Variants in UBR4 observed in about 807,000 individuals in gnomAD.
UBR4 encodes ubiquitin protein ligase E3 component n-recognin 4, also known as E3 ubiquitin-protein ligase UBR4.
A neutral mutation model predicts 575.6 loss-of-function variants in UBR4; 124 were observed. That is an observed-to-expected ratio of 0.22 (90% CI 0.19 to 0.25). UBR4 has a LOEUF of 0.25. UBR4 is among the 10% of genes least tolerant of loss of function. The pLI is 1.00. For missense variants in UBR4, 4,818 were observed against 6,478.8 expected, an observed-to-expected ratio of 0.74 and a Z score of 8.80; for synonymous variants, 2,455 against 2,473.7, an observed-to-expected ratio of 0.99 and a Z score of 0.22.
intron 103 of UBR4, 104 bp from the exon 104 acceptor site, chr1:19,078,170 G>C: frequency 8.6e-7 from 1 of 1,166,952 alleles, no homozygotes; most frequent in Non-Finnish European, 1.2e-6. Context: ...AGTGGTGTAT[G>C]CATCTCGGAG....
chr1:19,100,548 A>G lies in UBR4; in HGVS notation c.13049T>C (p.Phe4350Ser). ...TTGGGGATCCTTCTCCAGGGTCACA[A>G]AGAACTCAGTGACTTCATTCTCCTC... ...YPEENEVTEF[F>S]VTLEKDPQQE... Residue 4350 changes from phenylalanine to serine, a missense_variant, in exon 89 of 106, where the codon TTT becomes TCT. By Grantham distance (155) the Phe-to-Ser change is radical. Coordinates refer to ENST00000375254, the MANE Select transcript of UBR4 (RefSeq NM_020765.3). The surrounding 1 kb of genome is among the most constrained non-coding windows in gnomAD (Gnocchi z 4.2). The G allele has an allele frequency of 1.9e-6, 3 of 1,614,076 alleles. No homozygotes were observed. The highest frequency in any genetic ancestry group is 2.5e-6 in the Non-Finnish European group (3 of 1,180,012).
In UBR4 at chr1:19,157,886, C is replaced by T; in HGVS notation, c.5689G>A (p.Val1897Met). Residue 1897 changes from valine (V) to methionine (M), a missense_variant, in exon 40 of 106, where the codon GTG becomes ATG. This residue lies in a region of UBR4 where 15 missense variants were observed against 60.6 expected (regional missense o/e 0.25). Coordinates refer to ENST00000375254, the MANE Select transcript of UBR4 (RefSeq NM_020765.3). This position sits in a 1 kb window ranked among gnomAD's most constrained non-coding sequence, Gnocchi z 4.4. Reference sequence around the variant, plus strand: ...GGAGAGGAGAGCACACACATAGCCACCCGCCTGAGCACATGAGCACTGATC... The same window carrying T: ...GGAGAGGAGAGCACACACATAGCCATCCGCCTGAGCACATGAGCACTGATC... ...QLISAHVLRR[V>M]AMCVLSSPHG... is the part of the protein sequence containing the mutation. The T allele has an allele frequency of 6.2e-7, 1 of 1,614,254 alleles. No individual in the cohort carries two copies. Among genetic ancestry groups the T allele is most frequent in the Non-Finnish European group, 8.5e-7 (1 of 1,180,036 alleles).
At position 19,160,096 on chromosome 1, in the gene UBR4, C is replaced by A. The variant is rs372239033; in HGVS notation, c.5577+15G>T. On this transcript the variant is annotated intron_variant, in intron 39 of 105. Transcript: ENST00000375254. ...TTCCCACAGCCACCAAACATCATGGCCCCAAGACACTCACCATCAGCTGGT... is the reference window on the plus strand; with the variant it reads ...TTCCCACAGCCACCAAACATCATGGACCCAAGACACTCACCATCAGCTGGT... The A allele has an allele frequency of 6.2e-7, 1 of 1,604,636 alleles. No homozygotes were observed. Among genetic ancestry groups the A allele is most frequent in the Non-Finnish European group, 8.5e-7 (1 of 1,175,062 alleles).
Position 19,120,222 on chromosome 1 carries a change from G to A in UBR4, c.10268C>T (p.Ser3423Leu), listed in dbSNP as rs370087023. 1.5e-5 allele frequency: 24 copies of A among 1,614,058 alleles called. No homozygotes were observed. The highest frequency in any genetic ancestry group is 4.0e-5 in the African/African-American group (3 of 74,926). ...CAGACAGTGGGCCTGCCAGCGCACC[G>A]AGGAAGAATTGGACTCTAACAGGAA... is the stretch of plus-strand genomic sequence containing the variant. The part of the protein sequence containing the change: ...RCFLLESNSS[S>L]VRWQAHCLTL... Residue 3423 changes from serine to leucine, a missense_variant, in exon 69 of 106, where the codon TCG becomes TTG. By Grantham distance (145) the Ser-to-Leu change is moderately radical. This residue lies in a region of UBR4 where 550 missense variants were observed against 791.5 expected (regional missense o/e 0.69). Coordinates refer to ENST00000375254, the MANE Select transcript of UBR4 (RefSeq NM_020765.3).
intron 70 of UBR4, among the ~76,000 whole-genome samples, 159 bp from the exon 71 acceptor site, chr1:19,119,116 G>T (rs1271876022): frequency 6.6e-6 from 1 of 152,190 alleles, no homozygotes; most frequent in Non-Finnish European, 1.5e-5. Flanking sequence ...TCATTTAAAT[G>T]GATTCTATCT....
chr1:19,156,958 T>A (rs370184279), intron 40 of UBR4, 33 bp from the exon 41 acceptor site: 2 of 1,602,480 alleles, frequency 1.2e-6, no homozygotes, highest in African/African-American at 2.7e-5. Flanking sequence ...TTATTCCTAC[T>A]CCTGGTCCTC....
Position 19,117,809 on chromosome 1 carries a change from C to T in UBR4, c.10629+14G>A. 1 of 1,613,186 alleles carries T rather than the reference C, an allele frequency of 6.2e-7. No homozygotes were observed. Among genetic ancestry groups the T allele is most frequent in the African/African-American group, 1.3e-5 (1 of 75,050 alleles). ...TATTGGCCTCAGGACTGTCCATGTA[C>T]AGATGTTACTTACACAGAACGGTAC... On this transcript the variant is annotated intron_variant, in intron 72 of 105. Transcript: ENST00000375254. This position sits in a 1 kb window ranked among gnomAD's most constrained non-coding sequence, Gnocchi z 4.0.
chr1:19,138,171 C>T lies in UBR4; in HGVS notation c.8742G>A (p.Arg2914=). 1 of 1,523,584 alleles carries T rather than the reference C, an allele frequency of 6.6e-7. No individual in the cohort carries two copies. The highest frequency in any genetic ancestry group is 1.3e-5 in the South Asian group (1 of 77,578). The allele number at this position is 1,523,584 out of a possible 1,614,324, so 94.4% of individuals were successfully genotyped here. Residue 2914 remains arginine, a synonymous_variant, in exon 60 of 106, where the codon CGG becomes CGA. Transcript: ENST00000375254. ...CTGTAGCATCGCCATAAGCACTGCT[C>T]CGGCCAGATACTAGAGGGAAATGGT... The part of the protein sequence containing the change: ...SVAGEHSVSG[R]SSAYGDATAE...
chr1:19,128,102 G>A (rs781158488), intron 62 of UBR4, 109 bp downstream of exon 62: 65 of 1,061,618 alleles, frequency 6.1e-5, no homozygotes, highest in Non-Finnish European at 8.2e-5. Flanking sequence ...GCCCTCAGTG[G>A]ATGGTTACCC....
chr1:19,110,768 T>C lies in UBR4; in HGVS notation c.11866A>G (p.Lys3956Glu). 6.2e-7 allele frequency: 1 copy of C among 1,614,190 alleles called. No individual in the cohort carries two copies. Among genetic ancestry groups the C allele is most frequent in the South Asian group, 1.1e-5 (1 of 91,084 alleles). ...AGATCGGGGTTGGCCCAGTGGCCCT[T>C]CAGGGCTGTGGAGACCTTGCCAATA... is the stretch of plus-strand genomic sequence containing the variant. Reference protein sequence around the residue: ...LIIGKVSTALKGHWANPDLAS... With the variant: ...LIIGKVSTALEGHWANPDLAS... The change falls in exon 79 of 106, where the codon AAG (lysine) becomes GAG (glutamate). Residue 3956 changes from lysine to glutamate, a missense_variant. Physicochemically the swap from Lys to Glu is moderately conservative, Grantham distance 56. Around this residue, in one of 29 missense-constraint regions of UBR4, gnomAD observed 333 missense variants for 459.2 expected, o/e 0.73. Coordinates refer to ENST00000375254, the MANE Select transcript of UBR4 (RefSeq NM_020765.3). This position sits in a 1 kb window ranked among gnomAD's most constrained non-coding sequence, Gnocchi z 4.5.
chr1:19,104,527 A>C, intron 86 of UBR4, 58 bp downstream of exon 86: 1 of 1,567,308 alleles, frequency 6.4e-7, no homozygotes. Flanking sequence ...CAAGGAACTA[A>C]GGGTTGTCCC....
Position 19,190,312 on chromosome 1 carries a change from A to AAAAAAAAAT in UBR4, c.1394+1875_1394+1876insATTTTTTTT. 3.3e-4 allele frequency among the ~76,000 whole-genome samples: 26 copies of AAAAAAAAAT among 79,904 alleles called. No homozygotes were observed. In the South Asian group the frequency reaches 9.6e-3, roughly 30 times the overall value. 52.4% of individuals were successfully genotyped at this position (79,904 alleles called of 152,430 possible). Reference sequence around the variant, plus strand: ...TGCCTCAAAAAAAAAAAAAAAAAAAAATATATATATATATATATTTGTATG... The same window carrying AAAAAAAAAT: ...TGCCTCAAAAAAAAAAAAAAAAAAAAAAAAAAAATATATATATATATATATATTTGTATG... On this transcript the variant is annotated intron_variant, in intron 11 of 105. Transcript: ENST00000375254.
chr1:19,150,482 A>T, intron 49 of UBR4, 95 bp downstream of exon 49: 1 of 1,382,028 alleles, frequency 7.2e-7, no homozygotes, highest in Non-Finnish European at 1.0e-6. Flanking sequence ...TAGCCTTGAG[A>T]TGGTTATTAG....
In UBR4 at chr1:19,197,239, G is replaced by T; in HGVS notation, c.920C>A (p.Thr307Asn). The change falls in exon 8 of 106, where the codon ACT (threonine) becomes AAT (asparagine). Residue 307 changes from threonine to asparagine, a missense_variant. Physicochemically the swap from Thr to Asn is moderately conservative, Grantham distance 65. Transcript: ENST00000375254. ...TAGAGAAAGGGTATCCAATGCCATAGTTACATCAATCACCAATGAATGAAA... is the reference window on the plus strand; with the variant it reads ...TAGAGAAAGGGTATCCAATGCCATATTTACATCAATCACCAATGAATGAAA... Reference protein sequence around the residue: ...NGFHSLVIDVTMALDTLSLPV... With the variant: ...NGFHSLVIDVNMALDTLSLPV... 1 of 1,614,180 alleles carries T rather than the reference G, an allele frequency of 6.2e-7. No individual in the cohort carries two copies. The highest frequency in any genetic ancestry group is 1.1e-5 in the South Asian group (1 of 91,076).
At chr1:19,119,405 G>C (rs757218815) in intron 70 of UBR4, 152 bp downstream of exon 70, 9 of 1,078,010 alleles carry the variant, frequency 8.3e-6, no homozygotes, top group East Asian at 2.4e-5. Context: ...GACATATTAC[G>C]AGTGCTTACC....
intron 94 of UBR4, among the ~76,000 whole-genome samples, chr1:19,094,544 A>T (rs1163237214): frequency 2.6e-5 from 4 of 152,190 alleles, no homozygotes; most frequent in Admixed American, 2.6e-4. Flanking sequence ...ACCAGTAACC[A>T]ACTATGTACC....
At chr1:19,160,310 GAA>G (rs61579638) in intron 38 of UBR4, 29 bp from the exon 39 acceptor site, 8,858 of 1,070,496 alleles carry the variant, frequency 8.3e-3, no homozygotes, top group South Asian at 0.019. Flanking sequence ...ATACACCAGT[GAA>G]AAAAAAAAAA....
intron 102 of UBR4, among the ~76,000 whole-genome samples, chr1:19,084,263 T>G (rs969013643): frequency 1.3e-5 from 2 of 152,304 alleles, no homozygotes; most frequent in Middle Eastern, 3.4e-3. Context: ...AAGGATGCGG[T>G]CTTGGGCTGC....
At chr1:19,079,905 C>A (rs2148495097) in intron 103 of UBR4, 1 of 152,372 alleles carries the variant, frequency 6.6e-6, no homozygotes, top group East Asian at 1.9e-4. Context: ...GAAACTGCTA[C>A]AGAGAAAACA....
Sources: gnomAD v4.1 joint callset for allele counts (sites outside exome capture counted in the v4.1 genomes callset) on GRCh38, gnomAD v4.1.1 for gene constraint, gnomAD v4.1.1 regional missense constraint, Gnocchi (gnomAD v3.1) non-coding constraint, MANE v1.5 for transcripts, NCBI Gene and HGNC (gene_info 2026-07-23, HGNC 2026-07-21) for gene names.